The following FRAS1 variants were observed in gnomAD, a reference collection of about 807,000 sequenced individuals.
FRAS1 encodes Fraser extracellular matrix complex subunit 1.
FRAS1 carries 290 observed loss-of-function variants against 435.2 expected under a neutral mutation model. That is an observed-to-expected ratio of 0.67 (90% CI 0.61 to 0.73). FRAS1 has a LOEUF of 0.73. FRAS1 is among the 30% of genes least tolerant of loss of function. FRAS1 has a pLI of 0.00. For synonymous variants in FRAS1, 1,800 were observed against 1,851.0 expected (o/e 0.97, Z 0.71); for missense variants, 4,860 against 5,001.5 (o/e 0.97, Z 0.85).
chr4:78,275,983 G>T (rs1726999474), intron 9 of FRAS1, among the ~76,000 whole-genome samples: 1 of 152,132 alleles, frequency 6.6e-6, no homozygotes, highest in African/African-American at 2.4e-5. Context: ...TTTTCACATA[G>T]TCCCTTATTT....
chr4:78,169,720 A>C (rs368325366), intron 2 of FRAS1, among the ~76,000 whole-genome samples: 6 of 152,272 alleles, frequency 3.9e-5, no homozygotes, highest in African/African-American at 1.4e-4. Context: ...TTTTCAATGC[A>C]GTAGTAATTG....
In FRAS1 at chr4:78,542,533, G is replaced by A. The variant is rs1321032939; in HGVS notation, c.*1409G>A. The stretch of plus-strand genomic sequence containing the variant: ...CCATAGTCACCAAGCAAATAACAGA[G>A]CCTTCACATTGTGTAATATTTGTAT... On this transcript the variant is annotated 3_prime_UTR_variant, in exon 74 of 74. Transcript: ENST00000512123. 1 of 152,596 alleles carries A rather than the reference G, an allele frequency of 6.6e-6. No homozygotes were observed. The highest frequency in any genetic ancestry group is 1.5e-5 in the Non-Finnish European group (1 of 68,032). 9.5% of individuals were successfully genotyped at this position (152,596 alleles called of 1,614,324 possible).
chr4:78,533,072 A>T (rs893890310), intron 70 of FRAS1, among the ~76,000 whole-genome samples: 1 of 152,202 alleles, frequency 6.6e-6, no homozygotes, highest in African/African-American at 2.4e-5. Context: ...GTTTTACATA[A>T]TGGCTGCACC....
chr4:78,127,261 G>A (rs757800670), intron 2 of FRAS1, among the ~76,000 whole-genome samples: 2 of 152,144 alleles, frequency 1.3e-5, no homozygotes, highest in Non-Finnish European at 2.9e-5. Context: ...GGGAGGAGCA[G>A]GGATGGTAAG....
intron 2 of FRAS1, among the ~76,000 whole-genome samples, chr4:78,193,188 T>TC (rs970944240): frequency 1.8e-4 from 28 of 152,338 alleles, no homozygotes; most frequent in African/African-American, 6.7e-4. Context: ...GTGCTTTACT[T>TC]CCAAGTATGT....
Position 78,475,552 on chromosome 4 carries a change from C to G in FRAS1, c.7797C>G (p.Ser2599Arg). Residue 2599 changes from serine (S) to arginine (R), a missense_variant, in exon 54 of 74, where the codon AGC becomes AGG. Physicochemically the swap from Ser to Arg is moderately radical, Grantham distance 110 (BLOSUM62 -1). Coordinates refer to ENST00000512123, the MANE Select transcript of FRAS1 (RefSeq NM_025074.7). ...CRTEQGTASSSSRVSSQPGQQ... is the reference protein window; with the variant it reads ...CRTEQGTASSRSRVSSQPGQQ... ...CCGAGCAAGGCACCGCCAGCTCCAG[C>G]TCCAGGGTCAGCTCCCAACCTGGGC... The G allele has an allele frequency of 1.1e-5, 17 of 1,613,580 alleles. No individual in the cohort carries two copies. Among genetic ancestry groups the G allele is most frequent in the Non-Finnish European group, 1.4e-5 (16 of 1,179,634 alleles).
intron 2 of FRAS1, among the ~76,000 whole-genome samples, chr4:78,115,105 G>T (rs1743053424): frequency 6.6e-6 from 1 of 151,774 alleles, no homozygotes; most frequent in African/African-American, 2.4e-5. Flanking sequence ...TTTTGTCTTT[G>T]GTTCTGTTTA....
At chr4:78,305,830 T>C (rs2110215249) in intron 14 of FRAS1, among the ~76,000 whole-genome samples, 1 of 151,922 alleles carries the variant, frequency 6.6e-6, no homozygotes, top group South Asian at 2.1e-4. Flanking sequence ...TGCCAGTCTG[T>C]GTCTTTTAAT....
At chr4:78,434,767 A>G (rs911067120) in intron 38 of FRAS1, among the ~76,000 whole-genome samples, 1 of 152,202 alleles carries the variant, frequency 6.6e-6, no homozygotes, top group Non-Finnish European at 1.5e-5. Flanking sequence ...AAATATAACT[A>G]AAAAGATCTT....
Position 78,422,005 on chromosome 4 carries a change from T to C in FRAS1, c.4678+5T>C, listed in dbSNP as rs76993002. 3.1e-4 allele frequency: 506 copies of C among 1,608,180 alleles called. 11 individuals carry two copies. The East Asian group carries it at 0.011, about 36-fold the overall frequency. On this transcript the variant is annotated splice_donor_5th_base_variant and intron_variant, in intron 34 of 73. Coordinates refer to ENST00000512123, the MANE Select transcript of FRAS1 (RefSeq NM_025074.7). ...TCATGGCCTTCTCGTTCGCTGGTAA[T>C]GCTCTCCTCTCTGCTTTGAGGCACC...
chr4:78,175,396 C>T (rs1241565956), intron 2 of FRAS1, among the ~76,000 whole-genome samples: 1 of 152,196 alleles, frequency 6.6e-6, no homozygotes. Context: ...AGGAGGGACA[C>T]ACTTACTCTG....
At chr4:78,424,577 C>A (rs1733928170) in intron 35 of FRAS1, among the ~76,000 whole-genome samples, 157 bp downstream of exon 35, 1 of 151,858 alleles carries the variant, frequency 6.6e-6, no homozygotes, top group African/African-American at 2.4e-5. Flanking sequence ...CTAAAATAAA[C>A]AAATGGTTAG....
At chr4:78,142,770 C>T (rs1473986407) in intron 2 of FRAS1, among the ~76,000 whole-genome samples, 1 of 152,086 alleles carries the variant, frequency 6.6e-6, no homozygotes, top group Non-Finnish European at 1.5e-5. Flanking sequence ...ATGTTCCATG[C>T]ATTGTCTAAG....
At chr4:78,252,947 G>A (rs971747310) in intron 5 of FRAS1, among the ~76,000 whole-genome samples, 4 of 152,102 alleles carry the variant, frequency 2.6e-5, no homozygotes, top group African/African-American at 7.2e-5. Flanking sequence ...ACATCTTAAC[G>A]GAAAACAGGG....
chr4:78,182,469 A>G (rs1371971964), intron 2 of FRAS1, among the ~76,000 whole-genome samples: 1 of 152,160 alleles, frequency 6.6e-6, no homozygotes, highest in Non-Finnish European at 1.5e-5. Flanking sequence ...TCCTGGGTGG[A>G]TGATGATGCT....
At chr4:78,427,344 G>C (rs1279671828) in intron 35 of FRAS1, among the ~76,000 whole-genome samples, 1 of 152,080 alleles carries the variant, frequency 6.6e-6, no homozygotes, top group Non-Finnish European at 1.5e-5. Context: ...GGACTTCCCA[G>C]CCTTCATATG....
chr4:78,114,558 G>A (rs1743001023), intron 2 of FRAS1, among the ~76,000 whole-genome samples: 1 of 152,014 alleles, frequency 6.6e-6, no homozygotes, highest in Non-Finnish European at 1.5e-5. Context: ...CCTTTAAGTT[G>A]GATTCCTAGG....
chr4:78,199,836 A>G (rs1414986246), intron 2 of FRAS1, among the ~76,000 whole-genome samples: 1 of 152,240 alleles, frequency 6.6e-6, no homozygotes, highest in East Asian at 1.9e-4. Context: ...ATGAATGGAA[A>G]GTGCTTAGAA....
At position 78,361,014 on chromosome 4, in the gene FRAS1, A is replaced by G. The variant is rs1478502248; in HGVS notation, c.2423-2499A>G. Among the ~76,000 whole-genome samples the G allele has an allele frequency of 2.6e-5, 4 of 152,250 alleles. No homozygotes were observed. The East Asian group carries it at 7.7e-4, about 29-fold the overall frequency. On this transcript the variant is annotated intron_variant, in intron 20 of 73. Coordinates refer to ENST00000512123, the MANE Select transcript of FRAS1 (RefSeq NM_025074.7). ...TTGGTGATGCATGCCCAAGTTCAGA[A>G]AGCTCTGAAAGAAGTTGCTTTAAAG...
Sources: allele counts gnomAD v4.1 joint callset (sites outside exome capture counted in the v4.1 genomes callset), GRCh38; gene constraint gnomAD v4.1.1; transcripts MANE v1.5; gene names NCBI Gene and HGNC (gene_info 2026-07-23, HGNC 2026-07-21).